The following OGA variants were observed in gnomAD, a reference collection of about 807,000 sequenced individuals.
OGA encodes the protein O-GlcNAcase, also known as protein O-GlcNAcase.
OGA carries 21 observed loss-of-function variants against 102.0 expected under a neutral mutation model. The ratio of observed to expected loss-of-function variants is 0.21; its 90% confidence interval spans 0.15 to 0.30. The LOEUF (loss-of-function observed/expected upper bound fraction) is 0.30, where lower values mean the gene tolerates loss of function less well. Among genes scored for constraint, OGA ranks in the 10% least tolerant of loss-of-function variants. The probability of loss-of-function intolerance (pLI) is 1.00; values close to 1 mark genes in which losing one functional copy is unlikely to be tolerated. For synonymous variants in OGA, 408 were observed against 378.2 expected (o/e 1.08, Z -0.91); for missense variants, 765 against 1,107.8 (o/e 0.69, Z 4.39).
In OGA at chr10:101,801,162, G is replaced by A. The variant is rs561992007; in HGVS notation, c.1037-762C>T. Among the ~76,000 whole-genome samples the A allele has an allele frequency of 1.6e-4, 25 of 151,878 alleles. No individual in the cohort carries two copies. In the East Asian group the frequency reaches 4.1e-3, roughly 25 times the overall value. ...TCTCAGCACTTTGGGAGGCTGAGGCGGGCAAATCACCTGAGGTCTGCAGTT... is the reference window on the plus strand; with the variant it reads ...TCTCAGCACTTTGGGAGGCTGAGGCAGGCAAATCACCTGAGGTCTGCAGTT... On this transcript the variant is annotated intron_variant, in intron 7 of 15. Coordinates refer to ENST00000361464, the MANE Select transcript of OGA (RefSeq NM_012215.5).
In OGA at chr10:101,787,761, T is replaced by TCG. The variant is rs757805649; in HGVS notation, c.2455-239_2455-238insCG. ...GGCATTCTCCCTCGCGTGCACGCGC[T>TCG]CTCTCTCTCTCTCTCTCTCTTTCCC... On this transcript the variant is annotated intron_variant, in intron 14 of 15. Transcript: ENST00000361464. 13 of 200,822 alleles carry TCG rather than the reference T, an allele frequency of 6.5e-5. No individual in the cohort carries two copies. The Admixed American group carries it at 6.9e-4, about 11-fold the overall frequency. 12.4% of individuals were successfully genotyped at this position (200,822 alleles called of 1,614,324 possible). A position where few individuals can be genotyped will look rare whatever the true frequency, so the allele number is the denominator to read the frequency against.
intron 3 of OGA, among the ~76,000 whole-genome samples, chr10:101,810,898 C>T (rs2065545533): frequency 1.3e-5 from 2 of 152,172 alleles, no homozygotes; most frequent in South Asian, 2.1e-4. Context: ...GCCATATTGC[C>T]CAGGCTGGTC....
Position 101,806,248 on chromosome 10 carries a change from G to C in OGA, c.653-105C>G. 6 of 678,266 alleles carry C rather than the reference G, an allele frequency of 8.8e-6. No homozygotes were observed. In the South Asian group the frequency reaches 9.4e-5, roughly 11 times the overall value. 42.0% of individuals were successfully genotyped at this position (678,266 alleles called of 1,614,324 possible). On this transcript the variant is annotated intron_variant, in intron 5 of 15. Transcript: ENST00000361464. ...ACGGAGTCTCACTCTTGATGCCCAG[G>C]CTAGAGTGCAGTGGCACGATCTCGG...
chr10:101,796,973 A>G (rs1264759155), intron 10 of OGA: 1 of 152,204 alleles, frequency 6.6e-6, no homozygotes, highest in Non-Finnish European at 1.5e-5. Context: ...TCTATTTTCA[A>G]ATTAACAATC....
Position 101,818,001 on chromosome 10 carries a change from C to T in OGA, c.22G>A (p.Ala8Thr), listed in dbSNP as rs780117971. 1.2e-6 allele frequency: 2 copies of T among 1,602,730 alleles called. No individual in the cohort carries two copies. The highest frequency in any genetic ancestry group is 1.7e-5 in the Admixed American group (1 of 59,570). The change falls in exon 1 of 16, where the codon GCG (alanine) becomes ACG (threonine). Residue 8 changes from alanine (A) to threonine (T), a missense_variant. By Grantham distance (58) the Ala-to-Thr change is moderately conservative. This residue lies in a region of OGA where 117 missense variants were observed against 85.7 expected (regional missense o/e 1.36). Transcript: ENST00000361464. ...TCGCTCTCCCGCTCCTCCAACGTCG[C>T]TTGACTCTCCTTCTGCACCATCCTC... MVQKESQATLEERESELS... is the reference protein window; with the variant it reads MVQKESQTTLEERESELS...
At chr10:101,810,065 C>G (rs978636968) in intron 4 of OGA, 119 bp downstream of exon 4, 2 of 1,100,370 alleles carry the variant, frequency 1.8e-6, no homozygotes, top group Non-Finnish European at 1.3e-6. Flanking sequence ...AACAAACAAA[C>G]AAAAAAAGAA....
At chr10:101,809,425 A>C (rs755535074) in intron 4 of OGA, among the ~76,000 whole-genome samples, 3 of 152,208 alleles carry the variant, frequency 2.0e-5, no homozygotes, top group Non-Finnish European at 2.9e-5. Flanking sequence ...CTCTATCAGA[A>C]GGATTCAAGG....
intron 1 of OGA, among the ~76,000 whole-genome samples, chr10:101,814,358 T>TA (rs2065595485): frequency 6.6e-6 from 1 of 152,062 alleles, no homozygotes; most frequent in Non-Finnish European, 1.5e-5. Context: ...TGAGGGGAGA[T>TA]AAACAGGTAA....
chr10:101,790,392 C>A (rs994596776), intron 14 of OGA, among the ~76,000 whole-genome samples: 2 of 151,556 alleles, frequency 1.3e-5, no homozygotes, highest in African/African-American at 2.4e-5. Context: ...CCTGCCTCAG[C>A]CTCCTGAGTA....
intron 4 of OGA, among the ~76,000 whole-genome samples, chr10:101,809,149 G>A (rs534966712): frequency 2.6e-5 from 4 of 152,224 alleles, no homozygotes; most frequent in African/African-American, 9.6e-5. Context: ...ATGTCTAATA[G>A]GTAAAACCCT....
Position 101,794,009 on chromosome 10 carries a change from C to T in OGA, c.1985-11G>A. On this transcript the variant is annotated splice_polypyrimidine_tract_variant and intron_variant, in intron 10 of 15. Coordinates refer to ENST00000361464, the MANE Select transcript of OGA (RefSeq NM_012215.5). The stretch of plus-strand genomic sequence containing the variant: ...AATGACTACGACACCCTGTTGAGAT[C>T]AGATCCAAGCGGAGAACGTTACGAG... 6.2e-7 allele frequency: 1 copy of T among 1,600,588 alleles called. No individual in the cohort carries two copies.
chr10:101,817,949 G>A lies in OGA; in HGVS notation c.74C>T (p.Ala25Val), dbSNP rs749515947. The A allele has an allele frequency of 1.9e-5, 31 of 1,597,440 alleles. No homozygotes were observed. In the Admixed American group the frequency reaches 2.9e-4, roughly 15 times the overall value. The change falls in exon 1 of 16, where the codon GCG (alanine) becomes GTG (valine). Residue 25 changes from alanine to valine, a missense_variant. Transcript: ENST00000361464. Reference sequence around the variant, plus strand: ...TGCCGGCGGCTCCAGCGATGCCCCCGCAGAGGCGGCAGGGTTGGAGCTGAG... The same window carrying A: ...TGCCGGCGGCTCCAGCGATGCCCCCACAGAGGCGGCAGGGTTGGAGCTGAG... ...SELSSNPAAS[A>V]GASLEPPAAP...
chr10:101,798,127 T>C lies in OGA; in HGVS notation c.1837A>G (p.Lys613Glu). Reference protein sequence around the residue: ...KIEEWRSRAAKFEEMCGLVMG... With the variant: ...KIEEWRSRAAEFEEMCGLVMG... ...ACTAGTCCACACATCTCTTCAAACT[T>C]GGCTGCTCGTGACCGCCATTCTTCA... Residue 613 changes from lysine to glutamate, a missense_variant, in exon 10 of 16, where the codon AAG becomes GAG. By Grantham distance (56) the Lys-to-Glu change is moderately conservative. Around this residue, in one of 7 missense-constraint regions of OGA, gnomAD observed 281 missense variants for 345.8 expected, o/e 0.81. Transcript: ENST00000361464. The C allele has an allele frequency of 6.2e-7, 1 of 1,614,120 alleles. No homozygotes were observed. The highest frequency in any genetic ancestry group is 1.7e-5 in the Admixed American group (1 of 60,002).
intron 10 of OGA, among the ~76,000 whole-genome samples, chr10:101,796,180 G>T (rs1490072214): frequency 6.6e-6 from 1 of 152,134 alleles, no homozygotes; most frequent in Non-Finnish European, 1.5e-5. Context: ...AACCTGGAAG[G>T]CAAATGTTGT....
At chr10:101,816,673 T>C (rs1359880885) in intron 1 of OGA, among the ~76,000 whole-genome samples, 1 of 152,232 alleles carries the variant, frequency 6.6e-6, no homozygotes, top group East Asian at 1.9e-4. Context: ...CAGTTTTCCA[T>C]TCTGTAATCC....
rs549690017 is a variant in OGA at position 101,791,796 on chromosome 10, C to T, written c.2176-357G>A. On this transcript the variant is annotated intron_variant, in intron 12 of 15. Coordinates refer to ENST00000361464, the MANE Select transcript of OGA (RefSeq NM_012215.5). ...ATTCTCCTGCCTCAGCCTCCCAATT[C>T]GCTGGGATTACAGGCATACGCCACC... Among the ~76,000 whole-genome samples the T allele has an allele frequency of 4.0e-5, 6 of 151,306 alleles. No homozygotes were observed. In the South Asian group the frequency reaches 6.3e-4, roughly 16 times the overall value.
At chr10:101,811,290 G>C (rs528613579) in intron 3 of OGA, among the ~76,000 whole-genome samples, 14 of 150,992 alleles carry the variant, frequency 9.3e-5, no homozygotes, top group Admixed American at 8.6e-4. Context: ...TAGGGAGGCT[G>C]AGGCAGGAGA....
At chr10:101,812,336 G>C (rs1355377923) in intron 3 of OGA, among the ~76,000 whole-genome samples, 2 of 152,068 alleles carry the variant, frequency 1.3e-5, no homozygotes, top group Non-Finnish European at 2.9e-5. Flanking sequence ...GAACTCGGGA[G>C]GGCGAGGTTT....
intron 10 of OGA, among the ~76,000 whole-genome samples, chr10:101,795,149 T>C (rs1053014885): frequency 6.6e-6 from 1 of 152,202 alleles, no homozygotes; most frequent in African/African-American, 2.4e-5. Flanking sequence ...CGTAACTCAG[T>C]GTAATTTACA....
Sources: allele counts gnomAD v4.1 joint callset (sites outside exome capture counted in the v4.1 genomes callset), GRCh38; gene constraint gnomAD v4.1.1; regional missense constraint gnomAD v4.1.1; transcripts MANE v1.5; gene names NCBI Gene and HGNC (gene_info 2026-07-23, HGNC 2026-07-21).